Variants in ZNF461 observed in about 807,000 individuals in gnomAD.
ZNF461 encodes gonadotropin-inducible ovarian transcription factor-1.
In ZNF461, 16 loss-of-function variants were observed where a neutral mutation model predicts 18.3. The observed-to-expected ratio is 0.88, with a 90% CI of 0.59 to 1.33. The LOEUF (loss-of-function observed/expected upper bound fraction) is 1.33, where lower values mean the gene tolerates loss of function less well. ZNF461 is among the 40% of genes most tolerant of loss of function. The pLI, the probability that ZNF461 is intolerant of heterozygous loss-of-function variation, is 0.00. For synonymous variants in ZNF461, 179 were observed against 216.9 expected, an observed-to-expected ratio of 0.83 and a Z score of 1.54; for missense variants, 595 against 669.9, an observed-to-expected ratio of 0.89 and a Z score of 1.23.
At chr19:36,645,354 A>G (rs529385270) in intron 4 of ZNF461, 1 of 152,314 alleles carries the variant, frequency 6.6e-6, no homozygotes, top group East Asian at 1.9e-4. Context: ...AAAATTTTTT[A>G]AAGTGTTTAC....
In ZNF461 at chr19:36,639,707, G is replaced by A. The variant is rs1477757999; in HGVS notation, c.638C>T (p.Thr213Ile). 6 of 1,613,550 alleles carry A rather than the reference G, an allele frequency of 3.7e-6. No individual in the cohort carries two copies. The highest frequency in any genetic ancestry group is 1.7e-5 in the Admixed American group (1 of 59,978). The change falls in exon 6 of 6, where the codon ACT (threonine) becomes ATT (isoleucine). Residue 213 changes from threonine to isoleucine, a missense_variant. Thr to Ile is a moderately conservative substitution (Grantham distance 89, BLOSUM62 -1). Transcript: ENST00000588268. ...ACATTCAGAAAGTTCTTTAGAATGA[G>A]TTCTTTTGTGGTGACTAAAAAATAA... The part of the protein sequence containing the change: ...YHLFFSHHKR[T>I]HSKELSECKE...
intron 4 of ZNF461, among the ~76,000 whole-genome samples, chr19:36,653,003 AT>A (rs1406355114): frequency 2.6e-5 from 4 of 152,250 alleles, no homozygotes; most frequent in African/African-American, 9.6e-5. Context: ...ATTACTTGCC[AT>A]TAAGGAAATT....
At chr19:36,660,108 C>T (rs150928637) in intron 2 of ZNF461, among the ~76,000 whole-genome samples, 115 of 148,672 alleles carry the variant, frequency 7.7e-4, no homozygotes, top group African/African-American at 2.4e-3. Context: ...CCTTGTTTCT[C>T]ATTGTTGGTG....
chr19:36,638,667 T>G lies in ZNF461; in HGVS notation c.1678A>C (p.Ser560Arg), dbSNP rs1414097851. Reference sequence around the variant, plus strand: ...ATCAACAAATTTCATGATGCTAGACTAGGATGGGGAGGGAGGAGAGGAAAC... The same window carrying G: ...ATCAACAAATTTCATGATGCTAGACGAGGATGGGGAGGGAGGAGAGGAAAC... The part of the protein sequence containing the change: ...VRFPLLPPHP[S>R]LAS The change falls in exon 6 of 6, where the codon AGT (serine) becomes CGT (arginine). Residue 560 changes from serine to arginine, a missense_variant. Coordinates refer to ENST00000588268, the MANE Select transcript of ZNF461 (RefSeq NM_153257.5). 32 of 1,608,314 alleles carry G rather than the reference T, an allele frequency of 2.0e-5. No individual in the cohort carries two copies. Among genetic ancestry groups the G allele is most frequent in the Non-Finnish European group, 2.3e-5 (27 of 1,176,532 alleles).
At chr19:36,664,589 G>A in intron 2 of ZNF461, 109 bp downstream of exon 2, 1 of 803,740 alleles carries the variant, frequency 1.2e-6, no homozygotes, top group Non-Finnish European at 1.8e-6. Context: ...GCGAGGCTAT[G>A]TCTCAAAAAA....
chr19:36,658,968 C>G (rs2037772795), intron 2 of ZNF461, among the ~76,000 whole-genome samples: 1 of 152,132 alleles, frequency 6.6e-6, no homozygotes, highest in Admixed American at 6.6e-5. Flanking sequence ...GTCTGTGCCC[C>G]CTTCTCTTGA....
chr19:36,656,334 A>T (rs528021656), intron 4 of ZNF461, 114 bp downstream of exon 4: 2 of 843,862 alleles, frequency 2.4e-6, no homozygotes, highest in East Asian at 2.5e-5. Flanking sequence ...ATATCTTTGT[A>T]ATATGTTTTG....
chr19:36,643,820 T>C lies in ZNF461; in HGVS notation c.275A>G (p.Asn92Ser), dbSNP rs2037472665. Residue 92 changes from asparagine (N) to serine (S), a missense_variant, in exon 5 of 6, where the codon AAT becomes AGT. Physicochemically the swap from Asn to Ser is conservative, Grantham distance 46. Transcript: ENST00000588268. The stretch of plus-strand genomic sequence containing the variant: ...TGCATTTATGTCTGTAGCCTCATTA[T>C]TGTCCAAGAAATTATTGTGAAATCC... Reference protein sequence around the residue: ...TWGFHNNFLDNNEATDINADL... With the variant: ...TWGFHNNFLDSNEATDINADL... The C allele has an allele frequency of 1.9e-6, 3 of 1,542,138 alleles. No homozygotes were observed. The Admixed American group carries it at 6.0e-5, about 31-fold the overall frequency.
At chr19:36,643,963 G>T in intron 4 of ZNF461, 101 bp from the exon 5 acceptor site, 2 of 984,310 alleles carry the variant, frequency 2.0e-6, no homozygotes, top group South Asian at 5.3e-5. Flanking sequence ...ACAGAGTTTC[G>T]CTCTTGTTGC....
At chr19:36,653,458 C>T (rs1316983221) in intron 4 of ZNF461, among the ~76,000 whole-genome samples, 2 of 152,104 alleles carry the variant, frequency 1.3e-5, no homozygotes, top group Non-Finnish European at 2.9e-5. Context: ...AGTCTGCTCT[C>T]ATGCTGCTGA....
intron 5 of ZNF461, among the ~76,000 whole-genome samples, chr19:36,642,105 A>AT (rs1420884220): frequency 6.6e-6 from 1 of 152,010 alleles, no homozygotes; most frequent in African/African-American, 2.4e-5. Context: ...TTTTTAAATC[A>AT]TTTTTTGTAG....
At chr19:36,663,514 T>C (rs1384274042) in intron 2 of ZNF461, among the ~76,000 whole-genome samples, 1 of 146,166 alleles carries the variant, frequency 6.8e-6, no homozygotes, top group East Asian at 2.2e-4. Flanking sequence ...CTTTATTATG[T>C]AATTTTTTTT....
chr19:36,638,565 TTAAA>T lies in ZNF461; in HGVS notation c.*84_*87del, dbSNP rs2037341321. 4 of 1,020,546 alleles carry T rather than the reference TTAAA, an allele frequency of 3.9e-6. No individual in the cohort carries two copies. In the South Asian group the frequency reaches 6.2e-5, roughly 16 times the overall value. 63.2% of individuals were successfully genotyped at this position (1,020,546 alleles called of 1,614,324 possible). On this transcript the variant is annotated 3_prime_UTR_variant, in exon 6 of 6. Transcript: ENST00000588268. ...AAAACATTTGATTTTCAAGGATTAT[TTAAA>T]TAAATAAATACTAATGAAACTGGTG...
At chr19:36,642,757 T>TG (rs2037449344) in intron 5 of ZNF461, among the ~76,000 whole-genome samples, 1 of 122,388 alleles carries the variant, frequency 8.2e-6, no homozygotes, top group African/African-American at 3.2e-5. Flanking sequence ...TGTGTGTTTT[T>TG]GGTGGGGGGG....
At chr19:36,640,292 G>A (rs1385101929) in intron 5 of ZNF461, among the ~76,000 whole-genome samples, 1 of 152,130 alleles carries the variant, frequency 6.6e-6, no homozygotes. Context: ...TTGCAATTAT[G>A]GATGTTCAGG....
intron 4 of ZNF461, among the ~76,000 whole-genome samples, chr19:36,655,723 T>C (rs752360320): frequency 6.6e-6 from 1 of 152,246 alleles, no homozygotes; most frequent in Non-Finnish European, 1.5e-5. Context: ...CTTTTGGTAT[T>C]ATACACAATA....
At chr19:36,658,063 C>T (rs888446268) in intron 3 of ZNF461, 23 of 483,868 alleles carry the variant, frequency 4.8e-5, no homozygotes, top group Non-Finnish European at 7.7e-5. Context: ...GCCCCTTAAA[C>T]ATCAAGGAGG....
intron 3 of ZNF461, 42 bp from the exon 4 acceptor site, chr19:36,656,585 G>A (rs868095630): frequency 4.1e-6 from 6 of 1,466,014 alleles, no homozygotes; most frequent in Middle Eastern, 3.5e-4. Flanking sequence ...GGAAATGAAT[G>A]TATCCAAATA....
At chr19:36,654,773 T>G (rs2037687888) in intron 4 of ZNF461, among the ~76,000 whole-genome samples, 2 of 152,258 alleles carry the variant, frequency 1.3e-5, no homozygotes, top group South Asian at 4.1e-4. Flanking sequence ...GTTGATCTCC[T>G]TCCTTCTCAA....
Sources: allele counts gnomAD v4.1 joint callset (sites outside exome capture counted in the v4.1 genomes callset), GRCh38; gene constraint gnomAD v4.1.1; transcripts MANE v1.5; gene names NCBI Gene and HGNC (gene_info 2026-07-23, HGNC 2026-07-21).